The following AZIN2 variants were observed in gnomAD, a reference collection of about 807,000 sequenced individuals.
The protein encoded by AZIN2 is ODC antizyme inhibitor-2.
Under a neutral mutation model 47.8 loss-of-function variants are expected in AZIN2, and 28 were observed. The ratio of observed to expected loss-of-function variants is 0.59; its 90% confidence interval spans 0.43 to 0.80. The LOEUF is 0.80. Among genes scored for constraint, AZIN2 ranks in the 30% least tolerant of loss-of-function variants. AZIN2 has a pLI of 0.00. For missense variants in AZIN2, 535 were observed against 582.5 expected (o/e 0.92, Z 0.84); for synonymous variants, 221 against 239.4 (o/e 0.92, Z 0.71).
chr1:33,136,300 T>TTTTC, the AZIN2 span, among the ~76,000 whole-genome samples: 2 of 141,422 alleles, frequency 1.4e-5, no homozygotes, highest in Admixed American at 6.9e-5. Flanking sequence ...CTTTCTTTCT[T>TTTTC]TTTCTTTCTT....
At chr1:33,158,481 A>C in the AZIN2 span, 21 of 772,284 alleles carry the variant, frequency 2.7e-5, no homozygotes, top group African/African-American at 3.2e-4. Context: ...CATGAGTGAG[A>C]AGTCTGTGGG....
chr1:33,086,023 A>G (rs1343832000), intron 5 of AZIN2, among the ~76,000 whole-genome samples: 1 of 151,928 alleles, frequency 6.6e-6, no homozygotes, highest in African/African-American at 2.4e-5. Context: ...TGCTTCAGGA[A>G]CCCCAGGGGG....
chr1:33,138,626 CAAAAAAA>C, the AZIN2 span, among the ~76,000 whole-genome samples: 101 of 66,108 alleles, frequency 1.5e-3, no homozygotes, highest in Non-Finnish European at 2.0e-3. Context: ...ACAACAACAA[CAAAAAAA>C]AAAAAAAAAA....
chr1:33,117,298 C>T (rs146374938), intron 10 of AZIN2, among the ~76,000 whole-genome samples: 3,232 of 152,158 alleles, frequency 0.021, 128 homozygotes, highest in African/African-American at 0.073. Flanking sequence ...ACTGCTGGCT[C>T]CTGTTGTGGG....
intron 10 of AZIN2, among the ~76,000 whole-genome samples, chr1:33,102,370 G>A (rs991338363): frequency 2.6e-5 from 4 of 152,156 alleles, no homozygotes; most frequent in African/African-American, 9.7e-5. Flanking sequence ...CGAGTGGTCT[G>A]TACCCACTGC....
At chr1:33,166,087 C>A in the AZIN2 span, 1 of 152,400 alleles carries the variant, frequency 6.6e-6, no homozygotes, top group Admixed American at 6.5e-5. Context: ...GGAGTGTGAA[C>A]TGCACATGGG....
At chr1:33,135,039 C>T in the AZIN2 span, among the ~76,000 whole-genome samples, 4 of 152,202 alleles carry the variant, frequency 2.6e-5, no homozygotes, top group African/African-American at 9.6e-5. Flanking sequence ...ATAATCCCAG[C>T]ACTTTGGGAG....
chr1:33,110,735 G>T (rs1361228420), intron 10 of AZIN2, among the ~76,000 whole-genome samples: 1 of 152,216 alleles, frequency 6.6e-6, no homozygotes, highest in Non-Finnish European at 1.5e-5. Flanking sequence ...ATGGTGCATA[G>T]AGTCAGAAGG....
the AZIN2 span, chr1:33,158,432 C>T: frequency 2.3e-6 from 3 of 1,323,414 alleles, no homozygotes; most frequent in Middle Eastern, 1.8e-4. Flanking sequence ...TGCCAGGGGC[C>T]CCGCAGCCAC....
chr1:33,136,131 C>T, the AZIN2 span, among the ~76,000 whole-genome samples: 1 of 142,558 alleles, frequency 7.0e-6, no homozygotes, highest in African/African-American at 2.7e-5. Flanking sequence ...TCCTTCCTTC[C>T]TTCCTTCCTT....
At chr1:33,135,896 G>A in the AZIN2 span, among the ~76,000 whole-genome samples, 1 of 152,298 alleles carries the variant, frequency 6.6e-6, no homozygotes, top group East Asian at 1.9e-4. Context: ...AGGGAGTGAG[G>A]GAGTGAAGAG....
chr1:33,158,126 C>T, the AZIN2 span: 1 of 768,450 alleles, frequency 1.3e-6, no homozygotes, highest in Non-Finnish European at 2.2e-6. Context: ...TCCTGGAACA[C>T]ACTAGGTGCT....
Position 33,081,809 on chromosome 1 carries a change from C to G in AZIN2, c.-76C>G. The G allele has an allele frequency of 3.7e-6, 1 of 267,680 alleles. No individual in the cohort carries two copies. The highest frequency in any genetic ancestry group is 3.5e-5 in the South Asian group (1 of 28,520). The allele number at this position is 267,680 out of a possible 1,614,324, so 16.6% of individuals were successfully genotyped here. A position where few individuals can be genotyped will look rare whatever the true frequency, so the allele number is the denominator to read the frequency against. On this transcript the variant is annotated 5_prime_UTR_variant, in exon 3 of 12. Coordinates refer to ENST00000294517, the MANE Select transcript of AZIN2 (RefSeq NM_052998.4). The surrounding 1 kb of genome is among the most constrained non-coding windows in gnomAD (Gnocchi z 4.2). ...CCTTGATGTGGCCACCGGCTACCCT[C>G]TAGGTGGGCGTGGTCAAGACTGGGG...
intron 10 of AZIN2, among the ~76,000 whole-genome samples, chr1:33,105,887 C>T (rs1013373575): frequency 2.6e-5 from 4 of 152,164 alleles, no homozygotes; most frequent in Non-Finnish European, 4.4e-5. Context: ...ACAGTTACCC[C>T]AGTCCATGAA....
chr1:33,092,925 T>G (rs1262376182), intron 6 of AZIN2, among the ~76,000 whole-genome samples: 2 of 152,202 alleles, frequency 1.3e-5, no homozygotes, highest in Non-Finnish European at 2.9e-5. Flanking sequence ...CAAAGCAGCT[T>G]CCATCGTATT....
At chr1:33,086,503 G>C (rs145108289) in intron 5 of AZIN2, among the ~76,000 whole-genome samples, 1 of 152,196 alleles carries the variant, frequency 6.6e-6, no homozygotes, top group Non-Finnish European at 1.5e-5. Context: ...GTGGCTCCCC[G>C]ACTTACAGCT....
chr1:33,109,462 G>A (rs1302982048), intron 10 of AZIN2, among the ~76,000 whole-genome samples: 1 of 151,886 alleles, frequency 6.6e-6, no homozygotes, highest in African/African-American at 2.4e-5. Context: ...TTGAATGGCT[G>A]GGATTACAGG....
rs535461741 is a variant in AZIN2, at chr1:33,097,421, C to T, written c.916+552C>T. On this transcript the variant is annotated intron_variant, in intron 9 of 11. Coordinates refer to ENST00000294517, the MANE Select transcript of AZIN2 (RefSeq NM_052998.4). Reference sequence around the variant, plus strand: ...TTCAGGTTAGGCTGACTCAGCGCTTCTGGGCCCACATCACCAACATCAGTG... The same window carrying T: ...TTCAGGTTAGGCTGACTCAGCGCTTTTGGGCCCACATCACCAACATCAGTG... 3.9e-5 allele frequency among the ~76,000 whole-genome samples: 6 copies of T among 152,312 alleles called. No individual in the cohort carries two copies. In the South Asian group the frequency reaches 1.2e-3, roughly 32 times the overall value.
chr1:33,106,291 A>G (rs1388117560), intron 10 of AZIN2, among the ~76,000 whole-genome samples: 2 of 152,222 alleles, frequency 1.3e-5, no homozygotes, highest in Non-Finnish European at 2.9e-5. Flanking sequence ...CCTCCCAACA[A>G]AGAAAAGCCC....
Sources: gnomAD v4.1 joint callset for allele counts (sites outside exome capture counted in the v4.1 genomes callset) on GRCh38, gnomAD v4.1.1 for gene constraint, Gnocchi (gnomAD v3.1) non-coding constraint, MANE v1.5 for transcripts, NCBI Gene and HGNC (gene_info 2026-07-23, HGNC 2026-07-21) for gene names.